The following NRDC variants were observed in gnomAD, a reference collection of about 807,000 sequenced individuals.
NRDC encodes nardilysin.
NRDC carries 54 observed loss-of-function variants against 147.1 expected under a neutral mutation model. That is an observed-to-expected ratio of 0.37 (90% CI 0.29 to 0.46). NRDC has a LOEUF of 0.46. NRDC is among the 20% of genes least tolerant of loss of function. The pLI, the probability that NRDC is intolerant of heterozygous loss-of-function variation, is 1.00. For synonymous variants in NRDC, 440 were observed against 482.1 expected, an observed-to-expected ratio of 0.91 and a Z score of 1.14; for missense variants, 1,082 against 1,370.6, an observed-to-expected ratio of 0.79 and a Z score of 3.33.
intron 4 of NRDC, among the ~76,000 whole-genome samples, chr1:51,829,940 G>A (rs918636458): frequency 6.7e-6 from 1 of 149,696 alleles, no homozygotes; most frequent in Non-Finnish European, 1.5e-5. Context: ...TTCCTTGCAA[G>A]TATATTCAAA....
At chr1:51,866,418 A>G (rs1682808934) in intron 1 of NRDC, among the ~76,000 whole-genome samples, 2 of 152,208 alleles carry the variant, frequency 1.3e-5, no homozygotes, top group African/African-American at 4.8e-5. Flanking sequence ...CATTTCACTC[A>G]TAGGTATGTG....
intron 1 of NRDC, among the ~76,000 whole-genome samples, chr1:51,863,698 CTAATT>C (rs1411207371): frequency 5.3e-5 from 8 of 152,174 alleles, no homozygotes; most frequent in African/African-American, 1.9e-4. Context: ...GAGATCCCAC[CTAATT>C]TAATTGGAAG....
intron 2 of NRDC, among the ~76,000 whole-genome samples, chr1:51,836,944 CT>C (rs201636652): frequency 0.3 from 37,858 of 128,080 alleles, 5,597 homozygotes; most frequent in South Asian, 0.41. Context: ...ATGATTGGGA[CT>C]TTTTTTTTTT....
rs1681198284 is a variant in NRDC, at chr1:51,840,226, C to G, written c.630G>C (p.Gln210His). 1 of 1,591,276 alleles carries G rather than the reference C, an allele frequency of 6.3e-7. No homozygotes were observed. The highest frequency in any genetic ancestry group is 1.4e-5 in the African/African-American group (1 of 73,786). The change falls in exon 2 of 31, where the codon CAG becomes CAC. Residue 210 changes from glutamine (Q) to histidine (H), a missense_variant and splice_region_variant. Physicochemically the swap from Gln to His is conservative, Grantham distance 24. Transcript: ENST00000352171. ...AEARKKTTEK[Q>H]SAAALCVGVG... ...AGAAGAAAACAGACATGACTCGCAC[C>G]TGTTTTTCAGTAGTTTTTTTTCTAG...
At chr1:51,852,134 T>C (rs953745721) in intron 1 of NRDC, among the ~76,000 whole-genome samples, 2 of 152,194 alleles carry the variant, frequency 1.3e-5, no homozygotes, top group Non-Finnish European at 2.9e-5. Flanking sequence ...ACTCCATTTA[T>C]GGCTGACGAA....
intron 4 of NRDC, among the ~76,000 whole-genome samples, chr1:51,830,870 C>T (rs1053952250): frequency 5.3e-5 from 8 of 152,150 alleles, no homozygotes; most frequent in Non-Finnish European, 1.5e-5. Flanking sequence ...AACAATGTGG[C>T]CTGTGTGAGG....
intron 1 of NRDC, among the ~76,000 whole-genome samples, chr1:51,861,397 T>C (rs940320266): frequency 2.0e-5 from 3 of 150,340 alleles, no homozygotes; most frequent in African/African-American, 7.4e-5. Context: ...TGGCACAATC[T>C]TGGCTCACTG....
intron 18 of NRDC, among the ~76,000 whole-genome samples, chr1:51,806,132 G>A (rs545791537): frequency 7.9e-5 from 12 of 152,044 alleles, no homozygotes; most frequent in Middle Eastern, 3.4e-3. Flanking sequence ...AGAACAGAAC[G>A]GTAAAAAGCA....
chr1:51,874,160 A>G (rs1359567366), intron 1 of NRDC, among the ~76,000 whole-genome samples: 1 of 150,672 alleles, frequency 6.6e-6, no homozygotes, highest in Non-Finnish European at 1.5e-5. Context: ...AAAAAAAAAA[A>G]GAAGTTTACA....
intron 1 of NRDC, among the ~76,000 whole-genome samples, chr1:51,859,448 C>T (rs1159070938): frequency 6.6e-6 from 1 of 152,246 alleles, no homozygotes; most frequent in Non-Finnish European, 1.5e-5. Context: ...GACACATTCT[C>T]AATGCCTAGG....
At chr1:51,866,923 C>T (rs1217388825) in intron 1 of NRDC, among the ~76,000 whole-genome samples, 1 of 152,110 alleles carries the variant, frequency 6.6e-6, no homozygotes, top group Non-Finnish European at 1.5e-5. Flanking sequence ...AGGGCTTCAG[C>T]TGTTATCTGT....
At chr1:51,852,526 T>G (rs1430292423) in intron 1 of NRDC, among the ~76,000 whole-genome samples, 1 of 148,844 alleles carries the variant, frequency 6.7e-6, no homozygotes, top group East Asian at 1.9e-4. Context: ...TTTATATAGT[T>G]TTAAACTATA....
At chr1:51,837,660 A>C in intron 2 of NRDC, 1 of 1,456,646 alleles carries the variant, frequency 6.9e-7, no homozygotes, top group Non-Finnish European at 9.2e-7. Flanking sequence ...TCTACCTAAA[A>C]AATTCAGACC....
Position 51,803,809 on chromosome 1 carries a change from C to A in NRDC, c.2313+5G>T. 6.2e-7 allele frequency: 1 copy of A among 1,609,458 alleles called. No homozygotes were observed. The highest frequency in any genetic ancestry group is 8.5e-7 in the Non-Finnish European group (1 of 1,177,612). On this transcript the variant is annotated splice_donor_5th_base_variant and intron_variant, in intron 20 of 30. Coordinates refer to ENST00000352171, the MANE Select transcript of NRDC (RefSeq NM_001101662.2). The stretch of plus-strand genomic sequence containing the variant: ...CTATAAGGAAAACAGAGTACTTGTA[C>A]TTACAGGTAGTTTGTGGTTAAATCC...
At chr1:51,852,474 T>A (rs569656601) in intron 1 of NRDC, among the ~76,000 whole-genome samples, 1 of 9,200 alleles carries the variant, frequency 1.1e-4, no homozygotes. Flanking sequence ...TATAACTATA[T>A]ATACATTATA....
Position 51,825,317 on chromosome 1 carries a change from G to T in NRDC, c.1006C>A (p.Pro336Thr), listed in dbSNP as rs1434171482. The change falls in exon 6 of 31, where the codon CCT becomes ACT. Residue 336 changes from proline to threonine, a missense_variant. By Grantham distance (38) the Pro-to-Thr change is conservative. Around this residue, in one of 3 missense-constraint regions of NRDC, gnomAD observed 635 missense variants for 923.8 expected, o/e 0.69. Transcript: ENST00000352171. ...KEMLFGSLAR[P>T]GHPMGKFFWG... is the part of the protein sequence containing the mutation. ...AAAAATTTTCCCATAGGATGTCCAGGTCTAGCAAGGCTTCCAAACAACATT... is the reference window on the plus strand; with the variant it reads ...AAAAATTTTCCCATAGGATGTCCAGTTCTAGCAAGGCTTCCAAACAACATT... The T allele has an allele frequency of 3.1e-6, 5 of 1,600,650 alleles. No homozygotes were observed. The highest frequency in any genetic ancestry group is 1.8e-5 in the Admixed American group (1 of 56,256).
At chr1:51,800,412 T>G (rs1679137866) in intron 21 of NRDC, 144 bp downstream of exon 21, 2 of 868,740 alleles carry the variant, frequency 2.3e-6, no homozygotes, top group East Asian at 4.9e-5. Context: ...CGTAACGCTA[T>G]GCACGGGTCT....
chr1:51,840,838 A>G (rs72900100), intron 1 of NRDC, among the ~76,000 whole-genome samples: 2,418 of 152,298 alleles, frequency 0.016, 70 homozygotes, highest in African/African-American at 0.055. Flanking sequence ...CTCACCACTC[A>G]GCCTCCCCTA....
chr1:51,821,759 G>GTGTGTAA (rs1482433367), intron 7 of NRDC, among the ~76,000 whole-genome samples: 2 of 152,124 alleles, frequency 1.3e-5, no homozygotes, highest in Non-Finnish European at 2.9e-5. Context: ...AGAATTTTGT[G>GTGTGTAA]AGACCCCTTT....
Sources: allele counts gnomAD v4.1 joint callset (sites outside exome capture counted in the v4.1 genomes callset), GRCh38; gene constraint gnomAD v4.1.1; regional missense constraint gnomAD v4.1.1; transcripts MANE v1.5; gene names NCBI Gene and HGNC (gene_info 2026-07-23, HGNC 2026-07-21).